Variants in PCDHA2 observed in about 807,000 individuals in gnomAD.
PCDHA2 encodes the protein protocadherin alpha 2.
In PCDHA2, 58 loss-of-function variants were observed where a neutral mutation model predicts 66.0. The ratio of observed to expected loss-of-function variants is 0.88; its 90% CI spans 0.71 to 1.09. The LOEUF (loss-of-function observed/expected upper bound fraction) is 1.09, where lower values mean the gene tolerates loss of function less well. Ranked by LOEUF, PCDHA2 falls within the 50% of genes least tolerant of loss-of-function variation. PCDHA2 has a pLI of 0.00. For synonymous variants in PCDHA2, 634 were observed against 554.0 expected (o/e 1.14, Z -2.03); for missense variants, 1,267 against 1,242.3 (o/e 1.02, Z -0.30).
At chr5:140,821,418 G>C (rs1347412818) in intron 1 of PCDHA2, 2 of 182,750 alleles carry the variant, frequency 1.1e-5, no homozygotes, top group Middle Eastern at 2.5e-3. Flanking sequence ...AGAGTTTAAT[G>C]ATATATTTTG....
At chr5:140,973,768 A>G (rs1408539146) in intron 1 of PCDHA2, among the ~76,000 whole-genome samples, 3 of 152,258 alleles carry the variant, frequency 2.0e-5, no homozygotes, top group African/African-American at 7.2e-5. Flanking sequence ...ACAGCCTGGC[A>G]TATTATAGGT....
chr5:141,009,720 C>G lies in PCDHA2; in HGVS notation c.2630C>G (p.Ser877Cys), dbSNP rs782119637. ...FKYGPGNPKQ[S>C]GPGELPDKFI... ...TACGGACCAGGCAACCCCAAACAAT[C>G]CGGTCCCGGTGAGTTGCCCGACAAA... The change falls in exon 4 of 4, where the codon TCC (serine) becomes TGC (cysteine). Residue 877 changes from serine to cysteine, a missense_variant. Transcript: ENST00000526136. 1 of 1,614,180 alleles carries G rather than the reference C, an allele frequency of 6.2e-7. No individual in the cohort carries two copies. The highest frequency in any genetic ancestry group is 2.2e-5 in the East Asian group (1 of 44,872).
chr5:140,817,270 G>T (rs1163288227), intron 1 of PCDHA2: 1 of 152,194 alleles, frequency 6.6e-6, no homozygotes, highest in African/African-American at 2.4e-5. Context: ...TGTTTGAATG[G>T]AACTGTGCTG....
chr5:140,870,388 G>T, intron 1 of PCDHA2: 1 of 1,614,232 alleles, frequency 6.2e-7, no homozygotes. Context: ...TGCGCGGGAT[G>T]GGGGTTCGCC....
At position 140,896,169 on chromosome 5, in the gene PCDHA2, GT is replaced by G. The variant is rs1473218621; in HGVS notation, c.2389-82779del. Among the ~76,000 whole-genome samples, 40 of 152,274 alleles carry G rather than the reference GT, an allele frequency of 2.6e-4. 1 individual carries two copies. The East Asian group carries it at 5.2e-3, about 20-fold the overall frequency. ...TGATGGGCATTTAGGATTATTCTCT[GT>G]CTTTGCTATTGTGAATAGTGCCATG... is the stretch of plus-strand genomic sequence containing the variant. On this transcript the variant is annotated intron_variant, in intron 1 of 3. Transcript: ENST00000526136.
Position 140,797,043 on chromosome 5 carries a change from G to A in PCDHA2, c.2079G>A (p.Leu693=), listed in dbSNP as rs2149925928. The A allele has an allele frequency of 6.2e-7, 1 of 1,613,760 alleles. No individual in the cohort carries two copies. Residue 693 remains leucine (L), a synonymous_variant, in exon 1 of 4, where the codon CTG becomes CTA. Transcript: ENST00000526136. ...WVGAAGSEAT[L]VDVNVYLIIA... ...GCGCCGCGGGCTCAGAGGCTACGCT[G>A]GTGGATGTCAACGTGTACCTGATCA...
intron 1 of PCDHA2, among the ~76,000 whole-genome samples, chr5:140,911,977 T>G (rs1554195068): frequency 1.3e-5 from 2 of 152,180 alleles, no homozygotes; most frequent in African/African-American, 4.8e-5. Context: ...TTAACTCACA[T>G]GATCACAAGG....
At position 140,848,871 on chromosome 5, in the gene PCDHA2, A is replaced by G. The variant is rs2040646232; in HGVS notation, c.2388+51519A>G. The G allele has an allele frequency of 4.4e-6, 7 of 1,590,744 alleles. 1 individual carries two copies. The African/African-American group carries it at 6.8e-5, about 15-fold the overall frequency. On this transcript the variant is annotated intron_variant, in intron 1 of 3. Coordinates refer to ENST00000526136, the MANE Select transcript of PCDHA2 (RefSeq NM_018905.3). ...CCATGTGGACGTGGAGGTGAAGGAC[A>G]TTAACGACAACCCTCCAGTGTTCCC...
At chr5:140,881,425 G>A (rs2058709101) in intron 1 of PCDHA2, 2 of 901,294 alleles carry the variant, frequency 2.2e-6, no homozygotes, top group Non-Finnish European at 1.3e-6. Flanking sequence ...TTAGTTCCAG[G>A]CATATTTTAT....
chr5:140,829,782 C>T (rs2150174581), intron 1 of PCDHA2: 1 of 1,613,798 alleles, frequency 6.2e-7, no homozygotes. Flanking sequence ...AACGCGCCGG[C>T]GCTGCTGGCG....
chr5:140,820,793 G>T (rs889217740), intron 1 of PCDHA2, among the ~76,000 whole-genome samples: 2 of 151,918 alleles, frequency 1.3e-5, no homozygotes, highest in Admixed American at 1.3e-4. Context: ...TAAGTACAAA[G>T]GTATGTATTT....
At chr5:140,808,676 C>A (rs369858637) in intron 1 of PCDHA2, 5 of 1,612,726 alleles carry the variant, frequency 3.1e-6, no homozygotes, top group Non-Finnish European at 4.2e-6. Context: ...GCTGGTAGAG[C>A]GGCGGGTAGG....
rs1554119707 is a variant in PCDHA2, at chr5:140,796,103, G to A, written c.1139G>A (p.Gly380Asp). ...ALITVSDRDSGTNGHVTCSLT... is the reference protein window; with the variant it reads ...ALITVSDRDSDTNGHVTCSLT... The stretch of plus-strand genomic sequence containing the variant: ...ATCACGGTGTCGGATCGCGACTCTG[G>A]TACGAATGGACATGTCACCTGCTCC... Residue 380 changes from glycine (G) to aspartate (D), a missense_variant, in exon 1 of 4, where the codon GGT becomes GAT. Coordinates refer to ENST00000526136, the MANE Select transcript of PCDHA2 (RefSeq NM_018905.3). 34 of 1,614,180 alleles carry A rather than the reference G, an allele frequency of 2.1e-5. No homozygotes were observed. The South Asian group carries it at 3.2e-4, about 15-fold the overall frequency.
intron 1 of PCDHA2, chr5:140,831,144 A>G (rs1281536206): frequency 6.6e-6 from 1 of 152,224 alleles, no homozygotes; most frequent in Non-Finnish European, 1.5e-5. Context: ...TGATTTATTT[A>G]CTACCGATCT....
chr5:140,883,406 G>A, intron 1 of PCDHA2: 2 of 1,614,156 alleles, frequency 1.2e-6, no homozygotes, highest in South Asian at 2.2e-5. Context: ...TCGTGACTCT[G>A]GCTCAAATGG....
intron 1 of PCDHA2, chr5:140,862,425 A>T: frequency 2.8e-6 from 1 of 353,460 alleles, no homozygotes; most frequent in Non-Finnish European, 5.6e-6. Context: ...GCTGCCCAGA[A>T]ACTATTCGTT....
At position 140,802,284 on chromosome 5, in the gene PCDHA2, T is replaced by A. The variant is rs1323608017; in HGVS notation, c.2388+4932T>A. On this transcript the variant is annotated intron_variant, in intron 1 of 3. Coordinates refer to ENST00000526136, the MANE Select transcript of PCDHA2 (RefSeq NM_018905.3). The stretch of plus-strand genomic sequence containing the variant: ...ACTATCTTTACCTGTATTAGAAGAC[T>A]CTCCACTTAGCACAGTCATCGCTCT... 4.3e-6 allele frequency: 7 copies of A among 1,614,126 alleles called. No individual in the cohort carries two copies. The Admixed American group carries it at 1.2e-4, about 27-fold the overall frequency.
chr5:140,940,096 T>C (rs2153644801), intron 1 of PCDHA2, among the ~76,000 whole-genome samples: 1 of 152,378 alleles, frequency 6.6e-6, no homozygotes, highest in East Asian at 1.9e-4. Context: ...ATTGAAACTT[T>C]TAGCGTTATG....
At chr5:140,900,667 G>A (rs557447526) in intron 1 of PCDHA2, among the ~76,000 whole-genome samples, 12 of 152,222 alleles carry the variant, frequency 7.9e-5, no homozygotes, top group Non-Finnish European at 1.6e-4. Flanking sequence ...CAATGGGAGT[G>A]CAGTTATCTC....
Sources: allele counts gnomAD v4.1 joint callset (sites outside exome capture counted in the v4.1 genomes callset), GRCh38; gene constraint gnomAD v4.1.1; transcripts MANE v1.5; gene names NCBI Gene and HGNC (gene_info 2026-07-23, HGNC 2026-07-21).